RASSF2: variants seen among roughly 807,000 people sequenced by gnomAD.
RASSF2 encodes the protein Ras association domain family member 2.
RASSF2 carries 34 observed loss-of-function variants against 46.3 expected under a neutral mutation model. That is an observed-to-expected ratio of 0.73 (90% CI 0.56 to 0.98). The LOEUF is 0.98. Ranked by LOEUF, RASSF2 falls within the 50% of genes least tolerant of loss-of-function variation. RASSF2 has a pLI of 0.00. For synonymous variants in RASSF2, 158 were observed against 162.5 expected (o/e 0.97, Z 0.21); for missense variants, 364 against 431.2 (o/e 0.84, Z 1.38).
At chr20:4,794,601 G>T (rs1230729489) in intron 5 of RASSF2, among the ~76,000 whole-genome samples, 1 of 152,028 alleles carries the variant, frequency 6.6e-6, no homozygotes, top group Non-Finnish European at 1.5e-5. Flanking sequence ...CCCAGCTGCT[G>T]GGGAGTCTGA....
intron 2 of RASSF2, among the ~76,000 whole-genome samples, chr20:4,821,706 G>A (rs953853349): frequency 1.3e-5 from 2 of 152,164 alleles, no homozygotes; most frequent in East Asian, 1.9e-4. Context: ...CACGTGCCCA[G>A]GCAGGCTGCA....
chr20:4,784,171 T>A lies in RASSF2; in HGVS notation c.*102A>T. 8.2e-7 allele frequency: 1 copy of A among 1,214,008 alleles called. No individual in the cohort carries two copies. The highest frequency in any genetic ancestry group is 1.2e-6 in the Non-Finnish European group (1 of 826,134). 75.2% of individuals were successfully genotyped at this position (1,214,008 alleles called of 1,614,324 possible). On this transcript the variant is annotated 3_prime_UTR_variant, in exon 12 of 12. Transcript: ENST00000379400. ...GATGGCTTGGCCGGAGCTGGGGAGGTTTGTGTCTAAATGTTTCCATGGAAA... is the reference window on the plus strand; with the variant it reads ...GATGGCTTGGCCGGAGCTGGGGAGGATTGTGTCTAAATGTTTCCATGGAAA...
rs1925818778 is a variant in RASSF2, at chr20:4,790,903, G to A, written c.377-292C>T. On this transcript the variant is annotated intron_variant, in intron 6 of 11. Coordinates refer to ENST00000379400, the MANE Select transcript of RASSF2 (RefSeq NM_014737.3). The surrounding 1 kb of genome is among the most constrained non-coding windows in gnomAD (Gnocchi z 4.3). Reference sequence around the variant, plus strand: ...TCGGTGCTTTTATATATAAAATAGGGATAATAATAACACCCACCTCAGAGG... The same window carrying A: ...TCGGTGCTTTTATATATAAAATAGGAATAATAATAACACCCACCTCAGAGG... Among the ~76,000 whole-genome samples, 2 of 152,098 alleles carry A rather than the reference G, an allele frequency of 1.3e-5. No homozygotes were observed. The highest frequency in any genetic ancestry group is 4.1e-4 in the South Asian group (2 of 4,820).
In RASSF2 at chr20:4,804,353, C is replaced by CTTTTTTTT. The variant is rs10659167; in HGVS notation, c.-32-3299_-32-3292dup. Among the ~76,000 whole-genome samples the CTTTTTTTT allele has an allele frequency of 3.7e-3, 433 of 118,566 alleles. 14 individuals carry two copies. Among genetic ancestry groups the CTTTTTTTT allele is most frequent in the East Asian group, 8.4e-3 (33 of 3,940 alleles). 77.8% of individuals were successfully genotyped at this position (118,566 alleles called of 152,430 possible). ...AAAGTCGAGCTAGTGAGAAAGCTTT[C>CTTTTTTTT]TTTTTTTTTTTTTTTTTTTTGTCAC... On this transcript the variant is annotated intron_variant, in intron 2 of 11. Transcript: ENST00000379400.
rs566274576 is a variant in RASSF2, at chr20:4,802,246, T to C, written c.-32-1184A>G. Among the ~76,000 whole-genome samples, 735 of 152,242 alleles carry C rather than the reference T, an allele frequency of 4.8e-3. 7 individuals are homozygous for C. Among genetic ancestry groups the C allele is most frequent in the Non-Finnish European group, 8.3e-3 (566 of 68,024 alleles). ...CCCACCGCCCCTGGCCTTGGACTGT[T>C]CTTTGTCGTGGGACTGTCTTGTGCA... is the stretch of plus-strand genomic sequence containing the variant. On this transcript the variant is annotated intron_variant, in intron 2 of 11. Transcript: ENST00000379400.
At chr20:4,805,575 G>A (rs753534565) in intron 2 of RASSF2, among the ~76,000 whole-genome samples, 32 of 151,996 alleles carry the variant, frequency 2.1e-4, no homozygotes, top group Non-Finnish European at 3.7e-4. Context: ...ATTTTTCTCG[G>A]CAGCAAGAGG....
intron 11 of RASSF2, 142 bp from the exon 12 acceptor site, chr20:4,784,484 C>A: frequency 3.0e-6 from 2 of 668,382 alleles, no homozygotes; most frequent in Non-Finnish European, 5.2e-6. Flanking sequence ...CCATTACTGA[C>A]CCCTCTTTAG....
At chr20:4,787,516 G>T in intron 10 of RASSF2, 117 bp downstream of exon 10, 3 of 1,286,246 alleles carry the variant, frequency 2.3e-6, no homozygotes, top group South Asian at 1.3e-5. Flanking sequence ...TGGTGCTGAA[G>T]AAGTAAAAGG....
intron 3 of RASSF2, among the ~76,000 whole-genome samples, chr20:4,799,784 T>C: frequency 6.6e-6 from 1 of 152,214 alleles, no homozygotes; most frequent in East Asian, 1.9e-4. Context: ...CTTCCAACAA[T>C]TTAGTCCCAG....
At position 4,795,813 on chromosome 20, in the gene RASSF2, A is replaced by AC; in HGVS notation, c.287+1dup. On this transcript the variant is annotated splice_donor_variant, in intron 5 of 11. Coordinates refer to ENST00000379400, the MANE Select transcript of RASSF2 (RefSeq NM_014737.3). LOFTEE classifies it high-confidence loss of function. The surrounding 1 kb of genome is among the most constrained non-coding windows in gnomAD (Gnocchi z 4.0). Reference sequence around the variant, plus strand: ...CTCCCTGCCCCGTCTCTCCTCACTCACCCCTGAGCCCCCAGGTTACAGCCA... The same window carrying AC: ...CTCCCTGCCCCGTCTCTCCTCACTCACCCCCTGAGCCCCCAGGTTACAGCCA... 1 of 1,607,488 alleles carries AC rather than the reference A, an allele frequency of 6.2e-7. No individual in the cohort carries two copies. Among genetic ancestry groups the AC allele is most frequent in the Non-Finnish European group, 8.5e-7 (1 of 1,176,390 alleles).
intron 2 of RASSF2, 91 bp downstream of exon 2, chr20:4,822,238 C>T (rs1928737982): frequency 6.6e-6 from 1 of 152,260 alleles, no homozygotes; most frequent in African/African-American, 2.4e-5. Flanking sequence ...CTAAGATCAA[C>T]TGTGGCAGGA....
intron 2 of RASSF2, among the ~76,000 whole-genome samples, chr20:4,818,491 T>C (rs915707219): frequency 6.6e-6 from 1 of 152,186 alleles, no homozygotes; most frequent in African/African-American, 2.4e-5. Context: ...GGCCAGATCC[T>C]ACTGGCTCCC....
chr20:4,796,866 G>A lies in RASSF2; in HGVS notation c.136-900C>T, dbSNP rs553470373. ...TTGAAGGGCAGTTCCTAAAAGAATC[G>A]GTTCTCCTCCCTCTAGTCTCAGAAA... On this transcript the variant is annotated intron_variant, in intron 4 of 11. Coordinates refer to ENST00000379400, the MANE Select transcript of RASSF2 (RefSeq NM_014737.3). Among the ~76,000 whole-genome samples the A allele has an allele frequency of 5.3e-5, 8 of 152,256 alleles. No homozygotes were observed. In the South Asian group the frequency reaches 6.2e-4, roughly 12 times the overall value.
Position 4,800,975 on chromosome 20 carries a change from G to C in RASSF2, c.56C>G (p.Ser19Cys), listed in dbSNP as rs1210094301. ...LVPCGQDKYISKNELLLHLKT... is the reference protein window; with the variant it reads ...LVPCGQDKYICKNELLLHLKT... ...ACACTCCAGCAAAACGTCTTACTTG[G>C]AAATGTATTTATCTTGTCCACATGG... The change falls in exon 3 of 12, where the codon TCC becomes TGC. Residue 19 changes from serine to cysteine, a missense_variant. By Grantham distance (112) the Ser-to-Cys change is moderately radical. Transcript: ENST00000379400. 9 of 1,610,494 alleles carry C rather than the reference G, an allele frequency of 5.6e-6. No individual in the cohort carries two copies. The highest frequency in any genetic ancestry group is 1.3e-5 in the African/African-American group (1 of 74,854).
At chr20:4,784,390 C>A in intron 11 of RASSF2, 48 bp from the exon 12 acceptor site, 1 of 1,574,850 alleles carries the variant, frequency 6.3e-7, no homozygotes, top group Non-Finnish European at 8.7e-7. Context: ...GCAACACACC[C>A]CTGCCCAGGA....
intron 6 of RASSF2, among the ~76,000 whole-genome samples, chr20:4,791,226 A>T (rs4815743): frequency 0.26 from 38,901 of 152,082 alleles, 5,148 homozygotes; most frequent in East Asian, 0.33. Flanking sequence ...GACAGAGAGT[A>T]GAATGGTGGT....
intron 2 of RASSF2, among the ~76,000 whole-genome samples, chr20:4,813,467 T>A (rs1001541961): frequency 6.6e-6 from 1 of 152,036 alleles, no homozygotes; most frequent in East Asian, 1.9e-4. Flanking sequence ...TGCCTCCAGC[T>A]CCACCCCAGT....
intron 2 of RASSF2, among the ~76,000 whole-genome samples, chr20:4,804,261 A>G (rs1222651850): frequency 6.6e-6 from 1 of 151,878 alleles, no homozygotes. Context: ...TTACTTTTCC[A>G]AAAAAGGAAG....
In RASSF2 at chr20:4,789,967, G is replaced by A. The variant is rs76203825; in HGVS notation, c.538-270C>T. On this transcript the variant is annotated intron_variant, in intron 7 of 11. Coordinates refer to ENST00000379400, the MANE Select transcript of RASSF2 (RefSeq NM_014737.3). ...TCTCCCACCATGTATTGCCTCCGGG[G>A]GTAGGATTTGAACAAAGCAGGAGGA... is the stretch of plus-strand genomic sequence containing the variant. Among the ~76,000 whole-genome samples the A allele has an allele frequency of 8.6e-3, 1,303 of 152,242 alleles. 52 individuals carry two copies. In the East Asian group the frequency reaches 0.11, roughly 13 times the overall value.
Sources: gnomAD v4.1 joint callset for allele counts (sites outside exome capture counted in the v4.1 genomes callset) on GRCh38, gnomAD v4.1.1 for gene constraint, Gnocchi (gnomAD v3.1) non-coding constraint, MANE v1.5 for transcripts, NCBI Gene and HGNC (gene_info 2026-07-23, HGNC 2026-07-21) for gene names.